Variants in PPP1R12A observed in about 807,000 individuals in gnomAD.
PPP1R12A encodes the protein protein phosphatase 1 regulatory subunit 12A, also known as myosin binding subunit.
A neutral mutation model predicts 139.6 loss-of-function variants in PPP1R12A; 19 were observed. That is an observed-to-expected ratio of 0.14 (90% CI 0.09 to 0.20). The LOEUF is 0.20. Among genes scored for constraint, PPP1R12A ranks in the 10% least tolerant of loss-of-function variants. The pLI, the probability that PPP1R12A is intolerant of heterozygous loss-of-function variation, is 1.00. For missense variants in PPP1R12A, 925 were observed against 1,211.5 expected, an observed-to-expected ratio of 0.76 and a Z score of 3.51; for synonymous variants, 427 against 420.6, an observed-to-expected ratio of 1.02 and a Z score of -0.19.
intron 8 of PPP1R12A, among the ~76,000 whole-genome samples, 166 bp downstream of exon 8, chr12:79,820,608 C>T (rs560402089): frequency 6.6e-5 from 10 of 152,138 alleles, no homozygotes; most frequent in Non-Finnish European, 1.5e-4. Context: ...AATAAATTCA[C>T]AACTATATGT....
At chr12:79,867,351 G>A (rs1235047297) in intron 2 of PPP1R12A, among the ~76,000 whole-genome samples, 1 of 152,120 alleles carries the variant, frequency 6.6e-6, no homozygotes, top group Non-Finnish European at 1.5e-5. Context: ...ATAACATTAG[G>A]AGAAATACCC....
intron 14 of PPP1R12A, among the ~76,000 whole-genome samples, chr12:79,798,871 A>G (rs1314912077): frequency 2.0e-5 from 3 of 152,280 alleles, no homozygotes; most frequent in African/African-American, 4.8e-5. Flanking sequence ...ATTTTTAAAA[A>G]GGATTTAGAG....
Position 79,809,923 on chromosome 12 carries a change from T to C in PPP1R12A, c.1327A>G (p.Thr443Ala), listed in dbSNP as rs1343215407. The change falls in exon 10 of 25, where the codon ACG becomes GCG. Residue 443 changes from threonine (T) to alanine (A), a missense_variant. Physicochemically the swap from Thr to Ala is moderately conservative, Grantham distance 58 (BLOSUM62 0). Coordinates refer to ENST00000450142, the MANE Select transcript of PPP1R12A (RefSeq NM_002480.3). ...PATWRLGLRK[T>A]GSYGALAEIT... ...TCAGCAAGTGCACCATAGCTGCCCG[T>C]CTTTCTAAGTCCTAACCTCCAAGTT... 1 of 1,613,588 alleles carries C rather than the reference T, an allele frequency of 6.2e-7. No individual in the cohort carries two copies. Among genetic ancestry groups the C allele is most frequent in the Non-Finnish European group, 8.5e-7 (1 of 1,179,680 alleles).
At chr12:79,819,589 A>G (rs1875833919) in intron 8 of PPP1R12A, 1 of 152,194 alleles carries the variant, frequency 6.6e-6, no homozygotes, top group South Asian at 2.1e-4. Flanking sequence ...GATATACTTG[A>G]CTACAGACTG....
chr12:79,832,560 C>A, intron 3 of PPP1R12A, 69 bp from the exon 4 acceptor site: 1 of 1,376,894 alleles, frequency 7.3e-7, no homozygotes, highest in East Asian at 2.5e-5. Context: ...ATAAAACTAT[C>A]CAAAACATGT....
At chr12:79,841,422 G>A (rs929726398) in intron 3 of PPP1R12A, among the ~76,000 whole-genome samples, 3 of 152,078 alleles carry the variant, frequency 2.0e-5, no homozygotes, top group Admixed American at 2.0e-4. Flanking sequence ...CTCTTCGTTT[G>A]ACACTTCTGC....
intron 18 of PPP1R12A, among the ~76,000 whole-genome samples, chr12:79,795,312 T>C (rs999779820): frequency 6.6e-5 from 10 of 152,088 alleles, no homozygotes; most frequent in Admixed American, 3.9e-4. Context: ...TGAAATTAAA[T>C]AGACTCCTTA....
chr12:79,861,434 A>G (rs956602056), intron 2 of PPP1R12A, among the ~76,000 whole-genome samples: 2 of 152,148 alleles, frequency 1.3e-5, no homozygotes, highest in African/African-American at 2.4e-5. Flanking sequence ...CAACTGAGGT[A>G]CCTGCTTCAT....
intron 10 of PPP1R12A, among the ~76,000 whole-genome samples, chr12:79,808,867 T>C (rs1345904818): frequency 1.3e-5 from 2 of 152,178 alleles, no homozygotes; most frequent in African/African-American, 2.4e-5. Flanking sequence ...AACAGATTAA[T>C]ACTGTGTCAT....
intron 3 of PPP1R12A, among the ~76,000 whole-genome samples, chr12:79,843,926 A>T (rs1879081910): frequency 6.6e-6 from 1 of 152,018 alleles, no homozygotes; most frequent in African/African-American, 2.4e-5. Flanking sequence ...GCTGGTCTCA[A>T]GCTCCTGACC....
intron 1 of PPP1R12A, among the ~76,000 whole-genome samples, chr12:79,914,871 T>A (rs1311493370): frequency 6.6e-6 from 1 of 151,772 alleles, no homozygotes; most frequent in African/African-American, 2.4e-5. Context: ...AAAAAAAAAA[T>A]CTGGATTTGT....
At chr12:79,786,729 G>T in intron 21 of PPP1R12A, 1 of 274,322 alleles carries the variant, frequency 3.6e-6, no homozygotes, top group East Asian at 8.5e-5. Context: ...GGACTTTTCA[G>T]GTTATCTTAA....
At chr12:79,881,168 T>G (rs1883604659) in intron 1 of PPP1R12A, among the ~76,000 whole-genome samples, 1 of 152,146 alleles carries the variant, frequency 6.6e-6, no homozygotes, top group Non-Finnish European at 1.5e-5. Flanking sequence ...CAATCACCTC[T>G]AAGTACTCAA....
intron 4 of PPP1R12A, among the ~76,000 whole-genome samples, chr12:79,831,681 A>G (rs1054487409): frequency 4.6e-5 from 7 of 152,328 alleles, no homozygotes; most frequent in African/African-American, 7.2e-5. Context: ...TCACATACAT[A>G]TAAGAATAAT....
intron 1 of PPP1R12A, among the ~76,000 whole-genome samples, chr12:79,904,039 A>C (rs1885879092): frequency 6.6e-6 from 1 of 152,036 alleles, no homozygotes; most frequent in Non-Finnish European, 1.5e-5. Flanking sequence ...ACATGGTGAA[A>C]TCTCGTTTCT....
At chr12:79,904,554 T>C (rs1202018726) in intron 1 of PPP1R12A, among the ~76,000 whole-genome samples, 1 of 152,180 alleles carries the variant, frequency 6.6e-6, no homozygotes, top group Non-Finnish European at 1.5e-5. Context: ...ATTATTATCA[T>C]TTAACAAGCT....
Position 79,855,430 on chromosome 12 carries a change from C to T in PPP1R12A, c.369-10010G>A, listed in dbSNP as rs187431060. Among the ~76,000 whole-genome samples, 134 of 152,184 alleles carry T rather than the reference C, an allele frequency of 8.8e-4. 3 individuals carry two copies. Among genetic ancestry groups the T allele is most frequent in the African/African-American group, 3.0e-3 (126 of 41,526 alleles). On this transcript the variant is annotated intron_variant, in intron 2 of 24. Transcript: ENST00000450142. ...GTCTTTGTTACTGTGAATAGTGCTG[C>T]GATGAACATATATGTGCATGTATCT...
chr12:79,902,108 T>C (rs1425192281), intron 1 of PPP1R12A, among the ~76,000 whole-genome samples: 1 of 152,194 alleles, frequency 6.6e-6, no homozygotes, highest in Non-Finnish European at 1.5e-5. Flanking sequence ...ATTTGAGATC[T>C]TATTCCCTAA....
intron 5 of PPP1R12A, among the ~76,000 whole-genome samples, chr12:79,827,061 G>A (rs1034675049): frequency 2.1e-4 from 32 of 152,166 alleles, no homozygotes; most frequent in Admixed American, 2.1e-3. Context: ...CACGACTTGC[G>A]AAGCTAAAAT....
Sources: gnomAD v4.1 joint callset for allele counts (sites outside exome capture counted in the v4.1 genomes callset) on GRCh38, gnomAD v4.1.1 for gene constraint, MANE v1.5 for transcripts, NCBI Gene and HGNC (gene_info 2026-07-23, HGNC 2026-07-21) for gene names.